Variants in TOP1MT observed in about 807,000 individuals in gnomAD.
TOP1MT encodes the protein DNA topoisomerase I mitochondrial.
TOP1MT carries 80 observed loss-of-function variants against 73.9 expected under a neutral mutation model. The ratio of observed to expected loss-of-function variants is 1.08; its 90% CI spans 0.90 to 1.30. The LOEUF is 1.30. Ranked by LOEUF, TOP1MT falls within the 50% of genes most tolerant of loss-of-function variation. The pLI is 0.00. For missense variants in TOP1MT, 815 were observed against 808.0 expected (o/e 1.01, Z -0.10); for synonymous variants, 338 against 326.4 (o/e 1.04, Z -0.38).
intron 3 of TOP1MT, 28 bp from the exon 4 acceptor site, chr8:143,326,372 A>G (rs763322719): frequency 1.2e-6 from 2 of 1,613,242 alleles, no homozygotes; most frequent in Admixed American, 1.7e-5. Context: ...ACGCGCTCTC[A>G]CCATGTCTGA....
chr8:143,321,496 G>GCCACA (rs1563757677), intron 7 of TOP1MT, 110 bp from the exon 8 acceptor site: 4 of 212,906 alleles, frequency 1.9e-5, no homozygotes, highest in Non-Finnish European at 2.6e-5. Context: ...CGCCACACAC[G>GCCACA]CACGCCACAC....
intron 7 of TOP1MT, among the ~76,000 whole-genome samples, chr8:143,323,263 CAT>C (rs1237020762): frequency 5.1e-5 from 6 of 117,358 alleles, no homozygotes; most frequent in Non-Finnish European, 5.3e-5. Context: ...ACGCCACACA[CAT>C]GCACGCCACA....
chr8:143,338,303 C>T (rs1358639719), upstream of TOP1MT, among the ~76,000 whole-genome samples: 2 of 152,060 alleles, frequency 1.3e-5, no homozygotes, highest in South Asian at 2.1e-4. Flanking sequence ...CTTGGTGGCT[C>T]ACGCCTGTAA....
intron 1 of TOP1MT, among the ~76,000 whole-genome samples, chr8:143,350,681 G>A (rs775537850): frequency 1.3e-5 from 2 of 152,210 alleles, no homozygotes; most frequent in Non-Finnish European, 2.9e-5. Context: ...TATCCACGGA[G>A]TGCTCAAATT....
chr8:143,323,032 A>G (rs1470640133), intron 7 of TOP1MT, among the ~76,000 whole-genome samples: 1 of 63,556 alleles, frequency 1.6e-5, no homozygotes, highest in Non-Finnish European at 3.1e-5. Flanking sequence ...ACACACACAC[A>G]TGCACGCCAC....
intron 1 of TOP1MT, chr8:143,350,192 T>G (rs933168322): frequency 1.2e-4 from 19 of 152,222 alleles, no homozygotes; most frequent in African/African-American, 4.3e-4. Context: ...CGGCAGCACA[T>G]ACGCTAAAAG....
chr8:143,326,385 G>A (rs752059198), intron 3 of TOP1MT, 41 bp from the exon 4 acceptor site: 10 of 1,612,162 alleles, frequency 6.2e-6, no homozygotes, highest in South Asian at 5.5e-5. Flanking sequence ...ATGTCTGAAG[G>A]ACAGACATGC....
chr8:143,324,237 T>G (rs1019852157), intron 6 of TOP1MT, 95 bp from the exon 7 acceptor site: 2 of 1,532,696 alleles, frequency 1.3e-6, no homozygotes, highest in Admixed American at 3.5e-5. Flanking sequence ...CTCGTGCTTC[T>G]CCACTCAGTG....
At chr8:143,357,425 C>T (rs896150341), upstream of TOP1MT, among the ~76,000 whole-genome samples, 5 of 150,382 alleles carry the variant, frequency 3.3e-5, no homozygotes, top group South Asian at 2.1e-4. Flanking sequence ...AAAAAAAGTT[C>T]GAGAGTAAAA....
Position 143,309,383 on chromosome 8 carries a change from G to A in TOP1MT, c.*58C>T, listed in dbSNP as rs1004381360. The A allele has an allele frequency of 3.2e-6, 5 of 1,561,176 alleles. No homozygotes were observed. Among genetic ancestry groups the A allele is most frequent in the Non-Finnish European group, 2.6e-6 (3 of 1,140,074 alleles). ...TTATTGTACAAAATTCCCCAGTACTGCTTTAATAGTGAAAAAAACACACAC... is the reference window on the plus strand; with the variant it reads ...TTATTGTACAAAATTCCCCAGTACTACTTTAATAGTGAAAAAAACACACAC... On this transcript the variant is annotated 3_prime_UTR_variant, in exon 14 of 14. Transcript: ENST00000329245.
At chr8:143,321,947 A>C (rs1816422467) in intron 7 of TOP1MT, among the ~76,000 whole-genome samples, 1 of 79,518 alleles carries the variant, frequency 1.3e-5, no homozygotes, top group African/African-American at 5.1e-5. Context: ...CACGCACGCC[A>C]CACACGCACG....
At chr8:143,327,507 C>T (rs934501067) in intron 3 of TOP1MT, 1 of 165,676 alleles carries the variant, frequency 6.0e-6, no homozygotes, top group Non-Finnish European at 1.3e-5. Context: ...CCGCCTCTTC[C>T]GAGGAGCTCA....
intron 12 of TOP1MT, 56 bp downstream of exon 12, chr8:143,315,671 C>T (rs1260862790): frequency 7.7e-6 from 11 of 1,429,250 alleles, no homozygotes; most frequent in Non-Finnish European, 9.8e-6. Flanking sequence ...TGGGGCTGGA[C>T]CCTACGGGTT....
At chr8:143,339,087 C>G (rs1280204152), upstream of TOP1MT, among the ~76,000 whole-genome samples, 2 of 152,166 alleles carry the variant, frequency 1.3e-5, no homozygotes, top group Admixed American at 1.3e-4. Context: ...ACCCAGAAGC[C>G]GGAGCTCCAA....
At chr8:143,312,679 C>A (rs367721736) in intron 12 of TOP1MT, among the ~76,000 whole-genome samples, 27 of 152,298 alleles carry the variant, frequency 1.8e-4, no homozygotes, top group African/African-American at 5.8e-4. Context: ...CCACTCATGT[C>A]CAGTGTACTG....
In TOP1MT at chr8:143,334,636, G is replaced by A. The variant is rs919858634; in HGVS notation, c.122+104C>T. 7.4e-6 allele frequency: 11 copies of A among 1,496,196 alleles called. No individual in the cohort carries two copies. The African/African-American group carries it at 1.3e-4, about 18-fold the overall frequency. The allele number at this position is 1,496,196 out of a possible 1,614,324, so 92.7% of individuals were successfully genotyped here. A position where few individuals can be genotyped will look rare whatever the true frequency, so the allele number is the denominator to read the frequency against. ...TCCTGGCCCGACTTTTGGGAAAACCGGAAGCAGGGCAAGGCCGTCCCACGA... is the reference window on the plus strand; with the variant it reads ...TCCTGGCCCGACTTTTGGGAAAACCAGAAGCAGGGCAAGGCCGTCCCACGA... On this transcript the variant is annotated intron_variant, in intron 1 of 13. Transcript: ENST00000329245.
chr8:143,319,214 C>G (rs540189590), intron 8 of TOP1MT, among the ~76,000 whole-genome samples: 54 of 152,344 alleles, frequency 3.5e-4, no homozygotes, highest in African/African-American at 1.3e-3. Flanking sequence ...CTGCTGCCCT[C>G]AACACCTGTC....
rs762216343 is a variant in TOP1MT, at chr8:143,309,817, C to T, written c.1703+251G>A. 7 of 1,533,756 alleles carry T rather than the reference C, an allele frequency of 4.6e-6. No homozygotes were observed. In the South Asian group the frequency reaches 8.4e-5, roughly 18 times the overall value. ...CTCCCTGTGGGCAGGCTGAGCTCCA[C>T]AGGCCCTCCTGATGCCTCCGAGTCC... is the stretch of plus-strand genomic sequence containing the variant. On this transcript the variant is annotated intron_variant, in intron 13 of 13. Coordinates refer to ENST00000329245, the MANE Select transcript of TOP1MT (RefSeq NM_052963.3).
intron 7 of TOP1MT, among the ~76,000 whole-genome samples, chr8:143,322,947 A>G (rs867367279): frequency 0.026 from 1,126 of 43,544 alleles, no homozygotes; most frequent in African/African-American, 0.033. Flanking sequence ...GGCACGCCAC[A>G]CACGCCACAC....
Sources: gnomAD v4.1 joint callset for allele counts (sites outside exome capture counted in the v4.1 genomes callset) on GRCh38, gnomAD v4.1.1 for gene constraint, MANE v1.5 for transcripts, NCBI Gene and HGNC (gene_info 2026-07-23, HGNC 2026-07-21) for gene names.